MYRIP: variants seen among roughly 807,000 people sequenced by gnomAD.
MYRIP encodes myosin VIIA and Rab interacting protein, also known as rab effector MyRIP.
MYRIP carries 49 observed loss-of-function variants against 98.0 expected under a neutral mutation model. The observed-to-expected ratio is 0.50, with a 90% confidence interval of 0.40 to 0.63. The LOEUF is 0.63. Among genes scored for constraint, MYRIP ranks in the 30% least tolerant of loss-of-function variants. The pLI is 0.00. For synonymous variants in MYRIP, 404 were observed against 409.5 expected, an observed-to-expected ratio of 0.99 and a Z score of 0.16; for missense variants, 1,004 against 1,058.2, an observed-to-expected ratio of 0.95 and a Z score of 0.71.
At chr3:39,848,487 C>A (rs1942038504) in intron 1 of MYRIP, among the ~76,000 whole-genome samples, 1 of 152,110 alleles carries the variant, frequency 6.6e-6, no homozygotes, top group Admixed American at 6.5e-5. Flanking sequence ...ACTTTTTCTG[C>A]TATTTCAGTG....
intron 3 of MYRIP, among the ~76,000 whole-genome samples, chr3:40,057,959 A>G (rs1372418957): frequency 9.2e-5 from 14 of 152,220 alleles, no homozygotes; most frequent in Admixed American, 9.2e-4. Flanking sequence ...AGAGGGATAC[A>G]GCACAAAAAT....
intron 2 of MYRIP, among the ~76,000 whole-genome samples, chr3:39,927,124 C>G (rs1487500138): frequency 6.6e-6 from 1 of 151,878 alleles, no homozygotes; most frequent in Non-Finnish European, 1.5e-5. Flanking sequence ...TGGATCCCAG[C>G]TTTAACATTA....
intron 2 of MYRIP, among the ~76,000 whole-genome samples, chr3:39,976,673 T>A (rs1348683458): frequency 3.3e-5 from 5 of 152,284 alleles, no homozygotes; most frequent in African/African-American, 1.2e-4. Context: ...AGAGTGGATT[T>A]AGAAAATATG....
In MYRIP at chr3:39,875,767, G is replaced by T. The variant is rs542500853; in HGVS notation, c.-30-25020G>T. ...AGGAGAGCTTTACTTCCAACTATGT[G>T]GTCAATTTTGGAATAGGTGTGGTGT... On this transcript the variant is annotated intron_variant, in intron 1 of 16. Coordinates refer to ENST00000302541, the MANE Select transcript of MYRIP (RefSeq NM_015460.4). Among the ~76,000 whole-genome samples, 20 of 151,312 alleles carry T rather than the reference G, an allele frequency of 1.3e-4. No individual in the cohort carries two copies. In the East Asian group the frequency reaches 3.3e-3, roughly 25 times the overall value.
At position 40,086,544 on chromosome 3, in the gene MYRIP, A is replaced by G. The variant is rs199782245; in HGVS notation, c.332+42273A>G. ...ACCTTGCTGCTCTTCGCCAGGTTTC[A>G]GGACATGCGGTGTGAGCTGGCTTTC... is the stretch of plus-strand genomic sequence containing the variant. On this transcript the variant is annotated intron_variant, in intron 3 of 16. Transcript: ENST00000302541. Among the ~76,000 whole-genome samples, 3 of 152,332 alleles carry G rather than the reference A, an allele frequency of 2.0e-5. No homozygotes were observed. In the East Asian group the frequency reaches 5.8e-4, roughly 29 times the overall value.
At chr3:40,117,709 C>T (rs186855563) in intron 3 of MYRIP, among the ~76,000 whole-genome samples, 349 of 152,242 alleles carry the variant, frequency 2.3e-3, no homozygotes, top group African/African-American at 7.3e-3. Context: ...GCTTTATAGC[C>T]AGACCTCAGT....
chr3:40,135,352 G>GA (rs1377692730), intron 3 of MYRIP, among the ~76,000 whole-genome samples: 1 of 151,978 alleles, frequency 6.6e-6, no homozygotes, highest in East Asian at 1.9e-4. Flanking sequence ...AAAAAGAAAC[G>GA]AAAAAAGCCT....
chr3:40,013,875 A>G lies in MYRIP; in HGVS notation c.111-30175A>G, dbSNP rs537641434. On this transcript the variant is annotated intron_variant, in intron 2 of 16. Transcript: ENST00000302541. ...AGTGAGCAGCTTATTAATTTAAAACATAAAGGATGCTTAATTTCTCACTTC... is the reference window on the plus strand; with the variant it reads ...AGTGAGCAGCTTATTAATTTAAAACGTAAAGGATGCTTAATTTCTCACTTC... Among the ~76,000 whole-genome samples the G allele has an allele frequency of 7.9e-5, 12 of 152,360 alleles. No individual in the cohort carries two copies. In the East Asian group the frequency reaches 1.2e-3, roughly 15 times the overall value.
chr3:40,135,753 T>G (rs1949750877), intron 3 of MYRIP, among the ~76,000 whole-genome samples: 1 of 152,204 alleles, frequency 6.6e-6, no homozygotes. Context: ...AAAAGAATTT[T>G]CAACCCAGAA....
At chr3:39,898,581 A>G (rs1390052284) in intron 1 of MYRIP, among the ~76,000 whole-genome samples, 1 of 152,178 alleles carries the variant, frequency 6.6e-6, no homozygotes, top group Non-Finnish European at 1.5e-5. Context: ...ACATGATATT[A>G]AGGCAGGGAC....
intron 1 of MYRIP, among the ~76,000 whole-genome samples, chr3:39,840,780 A>G (rs1282438143): frequency 6.6e-6 from 1 of 152,152 alleles, no homozygotes; most frequent in Non-Finnish European, 1.5e-5. Context: ...AAGAATGTTG[A>G]ATATTGGCCC....
At chr3:39,897,048 T>C (rs930001159) in intron 1 of MYRIP, among the ~76,000 whole-genome samples, 1 of 152,242 alleles carries the variant, frequency 6.6e-6, no homozygotes, top group Non-Finnish European at 1.5e-5. Context: ...CTTCTTATGA[T>C]AATTAAATTT....
intron 3 of MYRIP, among the ~76,000 whole-genome samples, chr3:40,146,325 T>A (rs1322316231): frequency 2.6e-5 from 4 of 152,318 alleles, no homozygotes; most frequent in Non-Finnish European, 5.9e-5. Flanking sequence ...TGTGGGGAAC[T>A]GTTTTATAGG....
chr3:39,837,576 T>A (rs1941665655), intron 1 of MYRIP, among the ~76,000 whole-genome samples: 1 of 152,206 alleles, frequency 6.6e-6, no homozygotes, highest in South Asian at 2.1e-4. Flanking sequence ...TTGGTCTATA[T>A]ATCTGTTTTG....
intron 2 of MYRIP, among the ~76,000 whole-genome samples, chr3:40,033,171 G>A (rs1175872188): frequency 1.4e-5 from 2 of 145,860 alleles, no homozygotes; most frequent in African/African-American, 5.0e-5. Flanking sequence ...AGACAGGGAT[G>A]CCCTCTCTCA....
In MYRIP at chr3:40,258,627, A is replaced by G. The variant is rs953578958; in HGVS notation, c.*461A>G. ...TCATTAATGCTTATTAATCTCTCAC[A>G]AGCATCTTTGTCTTGCAAATCCTAA... On this transcript the variant is annotated 3_prime_UTR_variant, in exon 17 of 17. Transcript: ENST00000302541. 1 of 164,692 alleles carries G rather than the reference A, an allele frequency of 6.1e-6. No individual in the cohort carries two copies. Among genetic ancestry groups the G allele is most frequent in the Admixed American group, 5.7e-5 (1 of 17,450 alleles). The allele number at this position is 164,692 out of a possible 1,614,324, so 10.2% of individuals were successfully genotyped here. A position where few individuals can be genotyped will look rare whatever the true frequency, so the allele number is the denominator to read the frequency against.
intron 9 of MYRIP, among the ~76,000 whole-genome samples, chr3:40,189,458 G>A (rs1466748505): frequency 6.6e-6 from 1 of 152,174 alleles, no homozygotes; most frequent in Non-Finnish European, 1.5e-5. Context: ...GTAGCCCAAG[G>A]TCAAAGAGCC....
intron 13 of MYRIP, among the ~76,000 whole-genome samples, chr3:40,245,143 T>C (rs986160450): frequency 7.2e-5 from 11 of 152,112 alleles, no homozygotes; most frequent in Non-Finnish European, 1.3e-4. Flanking sequence ...AGGACAATAT[T>C]TTTCATGAGG....
At chr3:40,119,116 A>G (rs1263945593) in intron 3 of MYRIP, among the ~76,000 whole-genome samples, 1 of 151,972 alleles carries the variant, frequency 6.6e-6, no homozygotes, top group Non-Finnish European at 1.5e-5. Flanking sequence ...GGCTGAGTCA[A>G]ATGGTATTTC....
Sources: gnomAD v4.1 joint callset for allele counts (sites outside exome capture counted in the v4.1 genomes callset) on GRCh38, gnomAD v4.1.1 for gene constraint, MANE v1.5 for transcripts, NCBI Gene and HGNC (gene_info 2026-07-23, HGNC 2026-07-21) for gene names.